Variants in DSCAML1 observed in about 807,000 individuals in gnomAD.
DSCAML1 encodes the protein cell adhesion molecule DSCAML1.
In DSCAML1, 38 loss-of-function variants were observed where a neutral mutation model predicts 200.5. The ratio of observed to expected loss-of-function variants is 0.19; its 90% CI spans 0.15 to 0.25. DSCAML1 has a LOEUF of 0.25. Among genes scored for constraint, DSCAML1 ranks in the 10% least tolerant of loss-of-function variants. The pLI is 1.00. For synonymous variants in DSCAML1, 1,215 were observed against 1,165.0 expected, an observed-to-expected ratio of 1.04 and a Z score of -0.87; for missense variants, 2,223 against 2,858.8, an observed-to-expected ratio of 0.78 and a Z score of 5.07.
At chr11:117,595,203 A>G (rs1435759719) in intron 3 of DSCAML1, among the ~76,000 whole-genome samples, 1 of 152,174 alleles carries the variant, frequency 6.6e-6, no homozygotes, top group Non-Finnish European at 1.5e-5. Context: ...TTGGAAAGTC[A>G]GTCATTAGAA....
chr11:117,486,886 G>A (rs201316719), intron 11 of DSCAML1, among the ~76,000 whole-genome samples: 29 of 120,404 alleles, frequency 2.4e-4, no homozygotes, highest in African/African-American at 3.7e-4. Context: ...AATGTAGGAA[G>A]AAAAAAAAAA....
intron 32 of DSCAML1, 40 bp from the exon 33 acceptor site, chr11:117,428,843 G>A (rs1329894597): frequency 2.0e-6 from 3 of 1,527,174 alleles, no homozygotes; most frequent in Middle Eastern, 2.1e-4. Context: ...GAGAGTCATA[G>A]CCCTCTGGAA....
At chr11:117,443,762 A>G in intron 21 of DSCAML1, 124 bp downstream of exon 21, 1 of 1,370,106 alleles carries the variant, frequency 7.3e-7, no homozygotes, top group Non-Finnish European at 9.8e-7. Flanking sequence ...GCGGGTGGCC[A>G]GTTCCTCACA....
At chr11:117,749,834 G>A (rs2054576966) in intron 3 of DSCAML1, among the ~76,000 whole-genome samples, 2 of 152,254 alleles carry the variant, frequency 1.3e-5, no homozygotes, top group Non-Finnish European at 2.9e-5. Context: ...GGGAGAGCTG[G>A]GAGCGGGACC....
intron 16 of DSCAML1, among the ~76,000 whole-genome samples, chr11:117,467,610 T>G (rs2048609937): frequency 1.3e-5 from 2 of 152,146 alleles, no homozygotes; most frequent in Non-Finnish European, 2.9e-5. Flanking sequence ...TTGGACTCAC[T>G]AAATAGGTGT....
intron 8 of DSCAML1, among the ~76,000 whole-genome samples, chr11:117,511,380 G>A (rs1246890760): frequency 6.6e-6 from 1 of 152,116 alleles, no homozygotes; most frequent in African/African-American, 2.4e-5. Context: ...TCTTCACGGA[G>A]CCAATGCAAA....
chr11:117,639,479 G>A (rs991627460), intron 3 of DSCAML1, among the ~76,000 whole-genome samples: 9 of 151,730 alleles, frequency 5.9e-5, no homozygotes, highest in Non-Finnish European at 8.8e-5. Context: ...TGGATGGGAA[G>A]CTGGATGGGT....
chr11:117,601,355 T>G (rs1243434780), intron 3 of DSCAML1, among the ~76,000 whole-genome samples: 2 of 152,090 alleles, frequency 1.3e-5, no homozygotes, highest in Non-Finnish European at 2.9e-5. Flanking sequence ...CAGGGTGTGT[T>G]GAGGAGGGGA....
At chr11:117,435,459 G>A (rs1363825720) in intron 27 of DSCAML1, among the ~76,000 whole-genome samples, 185 bp downstream of exon 27, 1 of 152,250 alleles carries the variant, frequency 6.6e-6, no homozygotes, top group Non-Finnish European at 1.5e-5. Flanking sequence ...GGGCATAGAG[G>A]AGGAAGTGGT....
chr11:117,732,071 T>C (rs1204091050), intron 3 of DSCAML1, among the ~76,000 whole-genome samples: 1 of 152,124 alleles, frequency 6.6e-6, no homozygotes, highest in African/African-American at 2.4e-5. Context: ...CTTACTGTCC[T>C]CCAGGAGTCA....
chr11:117,738,775 G>T (rs1449227387), intron 3 of DSCAML1, among the ~76,000 whole-genome samples: 1 of 152,166 alleles, frequency 6.6e-6, no homozygotes, highest in African/African-American at 2.4e-5. Context: ...GAGCCACAGT[G>T]CAGGTTTGCA....
chr11:117,620,583 T>A (rs2051908309), intron 3 of DSCAML1, among the ~76,000 whole-genome samples: 1 of 152,182 alleles, frequency 6.6e-6, no homozygotes, highest in Non-Finnish European at 1.5e-5. Flanking sequence ...CCCCCTACTT[T>A]GCTGCACCTT....
rs762884053 is a variant in DSCAML1 at position 117,435,623 on chromosome 11, G to A, written c.4876+21C>T. On this transcript the variant is annotated intron_variant, in intron 27 of 32. Coordinates refer to ENST00000651296, the MANE Select transcript of DSCAML1 (RefSeq NM_020693.4). ...GAGAGCCAACACCCCCTCCTGGAAGGCCCATAGGAAGCTCCCCCACCTCGG... is the reference window on the plus strand; with the variant it reads ...GAGAGCCAACACCCCCTCCTGGAAGACCCATAGGAAGCTCCCCCACCTCGG... 4.2e-5 allele frequency: 66 copies of A among 1,582,676 alleles called. 1 individual carries two copies. The South Asian group carries it at 6.0e-4, about 14-fold the overall frequency.
chr11:117,496,588 G>T (rs1043583569), intron 11 of DSCAML1, among the ~76,000 whole-genome samples: 1 of 152,172 alleles, frequency 6.6e-6, no homozygotes, highest in African/African-American at 2.4e-5. Context: ...TGATTCATCT[G>T]GTCTCTGCCC....
In DSCAML1 at chr11:117,518,411, A is replaced by T. The variant is rs757008487; in HGVS notation, c.1510+55T>A. 6 of 1,605,814 alleles carry T rather than the reference A, an allele frequency of 3.7e-6. No individual in the cohort carries two copies. The Admixed American group carries it at 1.0e-4, about 27-fold the overall frequency. ...TCAGCACAAGAATAATGGTAACCACAGAGATGGCAAAGGAACTCAAAAACC... is the reference window on the plus strand; with the variant it reads ...TCAGCACAAGAATAATGGTAACCACTGAGATGGCAAAGGAACTCAAAAACC... On this transcript the variant is annotated intron_variant, in intron 7 of 32. Coordinates refer to ENST00000651296, the MANE Select transcript of DSCAML1 (RefSeq NM_020693.4). The surrounding 1 kb of genome is among the most constrained non-coding windows in gnomAD (Gnocchi z 6.3).
At chr11:117,512,810 CT>C (rs2049668442) in intron 8 of DSCAML1, among the ~76,000 whole-genome samples, 1 of 150,754 alleles carries the variant, frequency 6.6e-6, no homozygotes, top group African/African-American at 2.4e-5. Flanking sequence ...CACCCCTCCC[CT>C]TCCCCCCACT....
intron 3 of DSCAML1, among the ~76,000 whole-genome samples, chr11:117,603,162 G>A (rs1346585240): frequency 6.6e-6 from 1 of 152,188 alleles, no homozygotes; most frequent in Non-Finnish European, 1.5e-5. Context: ...GGTCCCATAT[G>A]AGGAACTGAC....
intron 3 of DSCAML1, among the ~76,000 whole-genome samples, chr11:117,575,887 A>AAACAAAACAAAC (rs1428687204): frequency 2.7e-5 from 4 of 148,282 alleles, no homozygotes; most frequent in African/African-American, 1.0e-4. Context: ...CAAAACAAAC[A>AAACAAAACAAAC]AAAAAAGAAC....
At chr11:117,604,593 T>C (rs1410031150) in intron 3 of DSCAML1, among the ~76,000 whole-genome samples, 1 of 152,220 alleles carries the variant, frequency 6.6e-6, no homozygotes, top group Non-Finnish European at 1.5e-5. Flanking sequence ...TCATCATTGC[T>C]GTTGTTTATT....
Sources: allele counts gnomAD v4.1 joint callset (sites outside exome capture counted in the v4.1 genomes callset), GRCh38; gene constraint gnomAD v4.1.1; non-coding constraint Gnocchi (gnomAD v3.1); transcripts MANE v1.5; gene names NCBI Gene and HGNC (gene_info 2026-07-23, HGNC 2026-07-21).